Variants in SEC14L1 observed in about 807,000 individuals in gnomAD.
The protein encoded by SEC14L1 is SEC14 like lipid binding 1.
In SEC14L1, 48 loss-of-function variants were observed where a neutral mutation model predicts 85.3. The observed-to-expected ratio is 0.56, with a 90% CI of 0.45 to 0.72. The LOEUF is 0.72. SEC14L1 is among the 30% of genes least tolerant of loss of function. The pLI is 0.00. For synonymous variants in SEC14L1, 391 were observed against 355.5 expected (o/e 1.10, Z -1.12); for missense variants, 682 against 921.4 (o/e 0.74, Z 3.36).
chr17:77,177,109 A>T (rs1974790556), intron 3 of SEC14L1, among the ~76,000 whole-genome samples: 2 of 152,120 alleles, frequency 1.3e-5, no homozygotes, highest in African/African-American at 4.8e-5. Context: ...TAACTTAATA[A>T]ATCATCAATT....
intron 3 of SEC14L1, among the ~76,000 whole-genome samples, chr17:77,158,304 C>G (rs371324557): frequency 1.3e-5 from 2 of 152,158 alleles, no homozygotes; most frequent in African/African-American, 4.8e-5. Context: ...AGCTCTGTCC[C>G]CATGAAACAC....
At chr17:77,134,607 C>T (rs1972733094) in intron 3 of SEC14L1, among the ~76,000 whole-genome samples, 2 of 152,162 alleles carry the variant, frequency 1.3e-5, no homozygotes, top group Non-Finnish European at 2.9e-5. Context: ...TGGCGCATGC[C>T]TGTAATCCCA....
At chr17:77,177,701 A>G (rs1046263899) in intron 3 of SEC14L1, among the ~76,000 whole-genome samples, 1 of 152,158 alleles carries the variant, frequency 6.6e-6, no homozygotes, top group Non-Finnish European at 1.5e-5. Context: ...CTTTAGCCAA[A>G]TGTAGACATG....
At chr17:77,170,980 A>G (rs1437895847) in intron 3 of SEC14L1, among the ~76,000 whole-genome samples, 1 of 152,176 alleles carries the variant, frequency 6.6e-6, no homozygotes, top group Non-Finnish European at 1.5e-5. Flanking sequence ...AGTGGGTGAG[A>G]TGATCTACTA....
intron 3 of SEC14L1, among the ~76,000 whole-genome samples, chr17:77,101,564 G>T (rs1028810085): frequency 2.6e-5 from 4 of 152,164 alleles, no homozygotes; most frequent in African/African-American, 9.7e-5. Flanking sequence ...TTTGGTCTAA[G>T]AATATAAGTG....
intron 3 of SEC14L1, among the ~76,000 whole-genome samples, chr17:77,114,459 G>A (rs1029691997): frequency 6.6e-5 from 10 of 151,518 alleles, no homozygotes; most frequent in African/African-American, 2.4e-4. Flanking sequence ...GGGAGGCGGA[G>A]GTTGCAGTGA....
upstream of SEC14L1, among the ~76,000 whole-genome samples, chr17:77,140,454 T>G (rs1477867791): frequency 1.3e-5 from 2 of 152,338 alleles, no homozygotes; most frequent in Admixed American, 1.3e-4. Context: ...AGCAGCCTGG[T>G]GCTCCTGAAC....
chr17:77,191,077 G>T, intron 4 of SEC14L1, 104 bp from the exon 5 acceptor site: 1 of 1,509,706 alleles, frequency 6.6e-7, no homozygotes, highest in Non-Finnish European at 9.1e-7. Flanking sequence ...GAGGGAGAGG[G>T]CGTCCTGGAG....
chr17:77,092,709 G>A (rs909503583), intron 2 of SEC14L1, among the ~76,000 whole-genome samples: 9 of 152,108 alleles, frequency 5.9e-5, no homozygotes, highest in African/African-American at 1.9e-4. Context: ...AGCACTTTGG[G>A]AGGCTGAGGC....
At position 77,213,329 on chromosome 17, in the gene SEC14L1, A is replaced by G. The variant is rs1410610149; in HGVS notation, c.1879A>G (p.Arg627Gly). 1 of 1,610,774 alleles carries G rather than the reference A, an allele frequency of 6.2e-7. No individual in the cohort carries two copies. Among genetic ancestry groups the G allele is most frequent in the Non-Finnish European group, 8.5e-7 (1 of 1,178,544 alleles). ...GESVQGSHVT[R>G]WPGFYILQWK... is the part of the protein sequence containing the mutation. The stretch of plus-strand genomic sequence containing the variant: ...CTTGTTCTAGGGTTCCCATGTGACC[A>G]GGTGGCCGGGCTTCTACATCCTGCA... Residue 627 changes from arginine (R) to glycine (G), a missense_variant, in exon 16 of 17, where the codon AGG becomes GGG. Physicochemically the swap from Arg to Gly is moderately radical, Grantham distance 125 (BLOSUM62 -2). This residue lies in a region of SEC14L1 where 420 missense variants were observed against 619.5 expected (regional missense o/e 0.68). Transcript: ENST00000436233. This position sits in a 1 kb window ranked among gnomAD's most constrained non-coding sequence, Gnocchi z 7.1.
Position 77,216,737 on chromosome 17 carries a change from G to T in SEC14L1, c.*2714G>T. 1 of 1,177,746 alleles carries T rather than the reference G, an allele frequency of 8.5e-7. No individual in the cohort carries two copies. The highest frequency in any genetic ancestry group is 1.2e-6 in the Non-Finnish European group (1 of 826,574). The allele number at this position is 1,177,746 out of a possible 1,614,324, so 73.0% of individuals were successfully genotyped here. A position where few individuals can be genotyped will look rare whatever the true frequency, so the allele number is the denominator to read the frequency against. On this transcript the variant is annotated 3_prime_UTR_variant, in exon 17 of 17. Coordinates refer to ENST00000436233, the MANE Select transcript of SEC14L1 (RefSeq NM_001143998.2). ...CAAAGACTGTAGTGCATCTTGAAGA[G>T]CTCAAAGCACATGACCGCACAAATG...
At chr17:77,115,616 C>A (rs551370695) in intron 3 of SEC14L1, among the ~76,000 whole-genome samples, 1 of 152,170 alleles carries the variant, frequency 6.6e-6, no homozygotes, top group African/African-American at 2.4e-5. Context: ...GGCTGCTGTT[C>A]TTCCCTGATG....
chr17:77,195,361 C>G (rs950379662), intron 7 of SEC14L1, among the ~76,000 whole-genome samples: 2 of 151,804 alleles, frequency 1.3e-5, no homozygotes, highest in African/African-American at 4.8e-5. Context: ...CTCTGTTGCC[C>G]AGGCTGGAGT....
intron 3 of SEC14L1, among the ~76,000 whole-genome samples, chr17:77,161,778 T>C (rs1974069005): frequency 6.7e-6 from 1 of 150,338 alleles, no homozygotes; most frequent in Non-Finnish European, 1.5e-5. Flanking sequence ...TAAACATCCT[T>C]GTATTTTCCT....
In SEC14L1 at chr17:77,213,616, G is replaced by A. The variant is rs904515302; in HGVS notation, c.2042+124G>A. 4.2e-6 allele frequency: 5 copies of A among 1,193,276 alleles called. No homozygotes were observed. Among genetic ancestry groups the A allele is most frequent in the Non-Finnish European group, 4.8e-6 (4 of 831,268 alleles). The allele number at this position is 1,193,276 out of a possible 1,614,324, so 73.9% of individuals were successfully genotyped here. A position where few individuals can be genotyped will look rare whatever the true frequency, so the allele number is the denominator to read the frequency against. On this transcript the variant is annotated intron_variant, in intron 16 of 16. Transcript: ENST00000436233. The surrounding 1 kb of genome is among the most constrained non-coding windows in gnomAD (Gnocchi z 7.1). Reference sequence around the variant, plus strand: ...GGTGTCAGGAATGCTTGGAGGGCCAGGAGGGAGTGGCTTTGGGGTCATTTG... The same window carrying A: ...GGTGTCAGGAATGCTTGGAGGGCCAAGAGGGAGTGGCTTTGGGGTCATTTG...
At chr17:77,119,310 A>C (rs1896519679) in intron 3 of SEC14L1, among the ~76,000 whole-genome samples, 2 of 146,458 alleles carry the variant, frequency 1.4e-5, no homozygotes, top group Admixed American at 1.5e-4. Context: ...TCCATCCCAA[A>C]AAAAAAAAAA....
rs551422475 is a variant in SEC14L1 at position 77,154,310 on chromosome 17, T to G, written c.63+10651T>G. Among the ~76,000 whole-genome samples the G allele has an allele frequency of 1.4e-3, 212 of 152,168 alleles. 1 individual carries two copies. The highest frequency in any genetic ancestry group is 4.7e-3 in the African/African-American group (194 of 41,526). On this transcript the variant is annotated intron_variant, in intron 3 of 16. Transcript: ENST00000436233. ...ACTTAGCGAGACTCTGTCTCTATGA[T>G]AAACTGAAAAAAAATTAGCTGGGTG...
intron 3 of SEC14L1, among the ~76,000 whole-genome samples, chr17:77,159,507 A>C (rs1194292700): frequency 6.6e-6 from 1 of 151,774 alleles, no homozygotes; most frequent in Non-Finnish European, 1.5e-5. Context: ...CAGCCTCCCA[A>C]GTAGCTGGGA....
At chr17:77,207,394 C>T (rs1346367053) in intron 13 of SEC14L1, among the ~76,000 whole-genome samples, 3 of 151,812 alleles carry the variant, frequency 2.0e-5, no homozygotes, top group South Asian at 2.1e-4. Flanking sequence ...CCATACCCAG[C>T]GAATTTTTTG....
Sources: allele counts gnomAD v4.1 joint callset (sites outside exome capture counted in the v4.1 genomes callset), GRCh38; gene constraint gnomAD v4.1.1; regional missense constraint gnomAD v4.1.1; non-coding constraint Gnocchi (gnomAD v3.1); transcripts MANE v1.5; gene names NCBI Gene and HGNC (gene_info 2026-07-23, HGNC 2026-07-21).